Variants in KATNBL1 observed in about 807,000 individuals in gnomAD.
The protein encoded by KATNBL1 is KATNB1-like protein 1.
In KATNBL1, 28 loss-of-function variants were observed where a neutral mutation model predicts 44.7. The ratio of observed to expected loss-of-function variants is 0.63; its 90% CI spans 0.46 to 0.86. The LOEUF (loss-of-function observed/expected upper bound fraction) is 0.86, where lower values mean the gene tolerates loss of function less well. Among genes scored for constraint, KATNBL1 ranks in the 40% least tolerant of loss-of-function variants. The probability of loss-of-function intolerance (pLI) is 0.00; values close to 1 mark genes in which losing one functional copy is unlikely to be tolerated. For missense variants in KATNBL1, 272 were observed against 350.7 expected (o/e 0.78, Z 1.79); for synonymous variants, 78 against 114.9 (o/e 0.68, Z 2.06).
At chr15:34,158,677 A>C (rs1888709680) in intron 2 of KATNBL1, among the ~76,000 whole-genome samples, 1 of 152,130 alleles carries the variant, frequency 6.6e-6, no homozygotes, top group African/African-American at 2.4e-5. Flanking sequence ...AATCAATATA[A>C]ATAGTCCTTT....
At position 34,152,972 on chromosome 15, in the gene KATNBL1, T is replaced by C. The variant is rs377447488; in HGVS notation, c.256A>G (p.Lys86Glu). ...HHPFPNPCYR[K>E]KQSPGSGGCD... ...CCCCCACTTCCAGGGGACTGTTTTT[T>C]TCTGTAACAAGGATTTGGAAAGGGA... Residue 86 changes from lysine to glutamate, a missense_variant, in exon 4 of 10, where the codon AAA (lysine) becomes GAA (glutamate). Coordinates refer to ENST00000256544, the MANE Select transcript of KATNBL1 (RefSeq NM_024713.3). 5 of 1,614,032 alleles carry C rather than the reference T, an allele frequency of 3.1e-6. No individual in the cohort carries two copies. In the African/African-American group the frequency reaches 6.7e-5, roughly 22 times the overall value.
At chr15:34,195,039 A>G (rs1261388282) in intron 1 of KATNBL1, among the ~76,000 whole-genome samples, 1 of 152,222 alleles carries the variant, frequency 6.6e-6, no homozygotes, top group Non-Finnish European at 1.5e-5. Context: ...CAGCACAGAG[A>G]TTTCTCAAAG....
intron 1 of KATNBL1, among the ~76,000 whole-genome samples, chr15:34,190,233 C>T (rs980947568): frequency 1.1e-4 from 16 of 152,126 alleles, no homozygotes; most frequent in Non-Finnish European, 1.6e-4. Flanking sequence ...CGTGAGCCAC[C>T]GCGCCCGGCC....
chr15:34,188,082 T>C (rs1359043733), intron 1 of KATNBL1, among the ~76,000 whole-genome samples: 1 of 125,786 alleles, frequency 8.0e-6, no homozygotes, highest in African/African-American at 3.0e-5. Flanking sequence ...GAGGTTGCAG[T>C]GACCCAAGAT....
intron 1 of KATNBL1, among the ~76,000 whole-genome samples, chr15:34,185,796 C>T (rs1374463885): frequency 6.6e-6 from 1 of 152,064 alleles, no homozygotes; most frequent in Non-Finnish European, 1.5e-5. Flanking sequence ...TGCAGGAAAA[C>T]AGGAATTAGG....
intron 4 of KATNBL1, among the ~76,000 whole-genome samples, chr15:34,151,588 A>T (rs531097883): frequency 6.6e-6 from 1 of 151,600 alleles, no homozygotes; most frequent in African/African-American, 2.4e-5. Flanking sequence ...AGTAGCTGGC[A>T]TTACAGGCGT....
chr15:34,192,403 C>CAAAAAA (rs199991134), intron 1 of KATNBL1, among the ~76,000 whole-genome samples: 2 of 107,252 alleles, frequency 1.9e-5, no homozygotes, highest in Non-Finnish European at 4.2e-5. Context: ...GACTCCATCT[C>CAAAAAA]AAAAAAAAAA....
chr15:34,148,883 G>T, intron 4 of KATNBL1, 133 bp from the exon 5 acceptor site: 1 of 571,582 alleles, frequency 1.7e-6, no homozygotes, highest in Non-Finnish European at 3.2e-6. Flanking sequence ...CCACAAAAAG[G>T]AATACTGCAG....
intron 3 of KATNBL1, among the ~76,000 whole-genome samples, chr15:34,153,483 G>A (rs978031599): frequency 2.6e-5 from 4 of 152,162 alleles, no homozygotes; most frequent in Non-Finnish European, 4.4e-5. Flanking sequence ...GTAAGAACAC[G>A]ATAGAGCAAG....
intron 4 of KATNBL1, among the ~76,000 whole-genome samples, chr15:34,151,435 A>ATTTTTTTTTTTTTTTTTTTTTTTTTTT (rs1491367010): frequency 3.1e-5 from 2 of 63,828 alleles, no homozygotes. Context: ...TCCTTTGCCT[A>ATTTTTTTTTTTTTTTTTTTTTTTTTTT]CTTTTTTTTT....
chr15:34,185,133 C>A (rs912886577), intron 1 of KATNBL1, among the ~76,000 whole-genome samples: 1 of 152,140 alleles, frequency 6.6e-6, no homozygotes, highest in Admixed American at 6.5e-5. Context: ...CCATGCCCAG[C>A]TAATTTTTGT....
intron 9 of KATNBL1, among the ~76,000 whole-genome samples, chr15:34,144,370 C>T (rs1224652598): frequency 1.3e-5 from 2 of 150,720 alleles, no homozygotes; most frequent in Non-Finnish European, 3.0e-5. Context: ...GTTTTGTCTC[C>T]GAGAAAAATG....
At position 34,163,657 on chromosome 15, in the gene KATNBL1, T is replaced by C. The variant is rs767353479; in HGVS notation, c.20A>G (p.Asn7Ser). The C allele has an allele frequency of 9.5e-6, 15 of 1,587,232 alleles. No individual in the cohort carries two copies. Among genetic ancestry groups the C allele is most frequent in the African/African-American group, 2.7e-5 (2 of 73,298 alleles). The change falls in exon 2 of 10, where the codon AAT becomes AGT. Residue 7 changes from asparagine (N) to serine (S), a missense_variant. Asn to Ser is a conservative substitution (Grantham distance 46). Coordinates refer to ENST00000256544, the MANE Select transcript of KATNBL1 (RefSeq NM_024713.3). MASETH[N>S]VKKRNFCNKI... ...ATTACAAAAGTTCCGTTTTTTAACA[T>C]TGTGGGTTTCTGATGCCATAATCTC...
intron 1 of KATNBL1, among the ~76,000 whole-genome samples, chr15:34,169,161 TG>T (rs1425199469): frequency 6.6e-6 from 1 of 152,144 alleles, no homozygotes; most frequent in African/African-American, 2.4e-5. Flanking sequence ...GCTGGTTTTT[TG>T]AAAAGATCAG....
rs561082828 is a variant in KATNBL1, at chr15:34,146,764, T to C, written c.785A>G (p.Asp262Gly). The change falls in exon 8 of 10, where the codon GAT (aspartate) becomes GGT (glycine). Residue 262 changes from aspartate (D) to glycine (G), a missense_variant. By Grantham distance (94) the Asp-to-Gly change is moderately conservative. Around this residue, in one of 3 missense-constraint regions of KATNBL1, gnomAD observed 39 missense variants for 76.3 expected, o/e 0.51. Coordinates refer to ENST00000256544, the MANE Select transcript of KATNBL1 (RefSeq NM_024713.3). ...ELSSKTEIIN[D>G]GNIQILKQQL... ...TTATCTTTAAAGGTATACTCACCCATCATTTATAATTTCTGTTTTGGATGA... is the reference window on the plus strand; with the variant it reads ...TTATCTTTAAAGGTATACTCACCCACCATTTATAATTTCTGTTTTGGATGA... 7.6e-6 allele frequency: 12 copies of C among 1,572,764 alleles called. No individual in the cohort carries two copies. The East Asian group carries it at 9.0e-5, about 12-fold the overall frequency.
chr15:34,209,349 ACAAAC>A (rs1890372120), intron 1 of KATNBL1: 1 of 152,232 alleles, frequency 6.6e-6, no homozygotes, highest in South Asian at 2.1e-4. Flanking sequence ...CCACAAGAAA[ACAAAC>A]CAACTCTTTG....
intron 1 of KATNBL1, among the ~76,000 whole-genome samples, chr15:34,166,674 C>T (rs562592156): frequency 6.6e-6 from 1 of 152,346 alleles, no homozygotes; most frequent in African/African-American, 2.4e-5. Flanking sequence ...AACTGGGAGA[C>T]ACCTCCTAGT....
intron 9 of KATNBL1, among the ~76,000 whole-genome samples, chr15:34,143,472 AAAC>A (rs548955915): frequency 6.6e-6 from 1 of 151,678 alleles, no homozygotes; most frequent in South Asian, 2.1e-4. Flanking sequence ...CTCAAAACAA[AAAC>A]AACAAAAAAA....
chr15:34,169,968 C>A lies in KATNBL1; in HGVS notation c.-14-6278G>T, dbSNP rs530444762. On this transcript the variant is annotated intron_variant, in intron 1 of 9. Coordinates refer to ENST00000256544, the MANE Select transcript of KATNBL1 (RefSeq NM_024713.3). ...ATAATAAGAGCTATTTATGACAATC[C>A]CACAGCCAATCTCATACTGAATGGG... Among the ~76,000 whole-genome samples the A allele has an allele frequency of 2.6e-5, 4 of 152,076 alleles. No homozygotes were observed. In the South Asian group the frequency reaches 6.2e-4, roughly 24 times the overall value.
Sources: gnomAD v4.1 joint callset for allele counts (sites outside exome capture counted in the v4.1 genomes callset) on GRCh38, gnomAD v4.1.1 for gene constraint, gnomAD v4.1.1 regional missense constraint, MANE v1.5 for transcripts, NCBI Gene and HGNC (gene_info 2026-07-23, HGNC 2026-07-21) for gene names.